The following CAPRIN1 variants were observed in gnomAD, a reference collection of about 807,000 sequenced individuals.
CAPRIN1 encodes the protein caprin-1.
A neutral mutation model predicts 100.9 loss-of-function variants in CAPRIN1; 29 were observed. That is an observed-to-expected ratio of 0.29 (90% CI 0.21 to 0.39). CAPRIN1 has a LOEUF of 0.39. CAPRIN1 is among the 10% of genes least tolerant of loss of function. CAPRIN1 has a pLI of 1.00. For synonymous variants in CAPRIN1, 338 were observed against 307.5 expected (o/e 1.10, Z -1.04); for missense variants, 795 against 876.7 (o/e 0.91, Z 1.18).
At chr11:34,093,362 TCCAGCAGTCCTC>T (rs1851300650) in intron 15 of CAPRIN1, among the ~76,000 whole-genome samples, 1 of 152,022 alleles carries the variant, frequency 6.6e-6, no homozygotes, top group Non-Finnish European at 1.5e-5. Context: ...ACTCAGGGCC[TCCAGCAGTCCTC>T]CCACCTCTAC....
Position 34,099,860 on chromosome 11 carries a change from A to C in CAPRIN1, c.*493A>C, listed in dbSNP as rs1213191827. The C allele has an allele frequency of 6.4e-6, 1 of 156,796 alleles. No homozygotes were observed. Among genetic ancestry groups the C allele is most frequent in the Non-Finnish European group, 1.4e-5 (1 of 70,618 alleles). 9.7% of individuals were successfully genotyped at this position (156,796 alleles called of 1,614,324 possible). On this transcript the variant is annotated 3_prime_UTR_variant, in exon 19 of 19. Coordinates refer to ENST00000341394, the MANE Select transcript of CAPRIN1 (RefSeq NM_005898.5). ...TTCACAGCTTTTCCAGTTAAATTGG[A>C]GCACTGAACGTTCAGATGCATACCA...
chr11:34,072,488 A>C lies in CAPRIN1; in HGVS notation c.366+501A>C, dbSNP rs571499076. 4.6e-5 allele frequency among the ~76,000 whole-genome samples: 7 copies of C among 152,316 alleles called. No individual in the cohort carries two copies. The South Asian group carries it at 1.0e-3, about 23-fold the overall frequency. On this transcript the variant is annotated intron_variant, in intron 4 of 18. Transcript: ENST00000341394. The stretch of plus-strand genomic sequence containing the variant: ...AATACATAAATGTTTTTTATTTATC[A>C]TGTTCCTTATGTCTAATGACTCACA...
At chr11:34,066,407 C>G (rs932544795) in intron 2 of CAPRIN1, among the ~76,000 whole-genome samples, 3 of 151,648 alleles carry the variant, frequency 2.0e-5, no homozygotes, top group East Asian at 1.9e-4. Flanking sequence ...GATCTTGGCT[C>G]TCTGCAACCT....
intron 2 of CAPRIN1, among the ~76,000 whole-genome samples, chr11:34,067,317 TA>T: frequency 6.6e-6 from 1 of 152,312 alleles, no homozygotes; most frequent in Non-Finnish European, 1.5e-5. Context: ...GAAAATTCTG[TA>T]AAAGAGTCTT....
chr11:34,059,374 T>C (rs1378886652), intron 2 of CAPRIN1, among the ~76,000 whole-genome samples: 2 of 151,900 alleles, frequency 1.3e-5, no homozygotes, highest in Non-Finnish European at 1.5e-5. Context: ...GTTCAAGTGA[T>C]TCTCTTGCCT....
rs552069117 is a variant in CAPRIN1 at position 34,051,851 on chromosome 11, A to T, written c.-21A>T. On this transcript the variant is annotated 5_prime_UTR_variant, in exon 1 of 19. Transcript: ENST00000341394. ...CCTCAGCTGCCCACTCGTGATTTCC[A>T]GCGGCCTCCGCGCGCGCACGGTGAG... The T allele has an allele frequency of 6.7e-6, 1 of 150,076 alleles. No individual in the cohort carries two copies. The highest frequency in any genetic ancestry group is 2.1e-4 in the South Asian group (1 of 4,754). 9.3% of individuals were successfully genotyped at this position (150,076 alleles called of 1,614,324 possible). A position where few individuals can be genotyped will look rare whatever the true frequency, so the allele number is the denominator to read the frequency against.
intron 15 of CAPRIN1, among the ~76,000 whole-genome samples, chr11:34,092,804 G>T (rs574214239): frequency 1.3e-5 from 2 of 152,258 alleles, no homozygotes; most frequent in South Asian, 4.1e-4. Flanking sequence ...GTCAAGTAAG[G>T]TCATAATTTG....
In CAPRIN1 at chr11:34,051,827, CT is replaced by C. The variant is rs1426687401; in HGVS notation, c.-44del. 6.5e-6 allele frequency: 1 copy of C among 152,826 alleles called. No homozygotes were observed. Among genetic ancestry groups the C allele is most frequent in the Non-Finnish European group, 1.5e-5 (1 of 68,560 alleles). 9.5% of individuals were successfully genotyped at this position (152,826 alleles called of 1,614,324 possible). On this transcript the variant is annotated 5_prime_UTR_variant, in exon 1 of 19. Coordinates refer to ENST00000341394, the MANE Select transcript of CAPRIN1 (RefSeq NM_005898.5). ...CGGAAGGGACCACCACCCTTGCCCCCTCAGCTGCCCACTCGTGATTTCCAGC... is the reference window on the plus strand; with the variant it reads ...CGGAAGGGACCACCACCCTTGCCCCCCAGCTGCCCACTCGTGATTTCCAGC...
At chr11:34,057,127 T>C (rs929611647) in intron 2 of CAPRIN1, among the ~76,000 whole-genome samples, 1 of 152,254 alleles carries the variant, frequency 6.6e-6, no homozygotes, top group African/African-American at 2.4e-5. Flanking sequence ...GTAAAATCTT[T>C]CCTTGAGGCT....
At chr11:34,078,684 T>C (rs16925123) in intron 6 of CAPRIN1, among the ~76,000 whole-genome samples, 2,856 of 152,306 alleles carry the variant, frequency 0.019, 92 homozygotes, top group African/African-American at 0.066. Flanking sequence ...TCTTTCCCTA[T>C]GCTTGTTTTT....
intron 2 of CAPRIN1, 50 bp downstream of exon 2, chr11:34,052,686 G>C: frequency 1.3e-6 from 2 of 1,537,608 alleles, no homozygotes; most frequent in African/African-American, 1.4e-5. Context: ...CGGGCTCTGC[G>C]GCCCCTCCGA....
In CAPRIN1 at chr11:34,071,796, T is replaced by C. The variant is rs370367941; in HGVS notation, c.279+8T>C. On this transcript the variant is annotated splice_region_variant and intron_variant, in intron 3 of 18. Transcript: ENST00000341394. Reference sequence around the variant, plus strand: ...CTTAATCAAGATCAGCTGGTAAAGATGTTATATTTTTTATTTTAGACCTAA... The same window carrying C: ...CTTAATCAAGATCAGCTGGTAAAGACGTTATATTTTTTATTTTAGACCTAA... The C allele has an allele frequency of 6.9e-7, 1 of 1,454,146 alleles. No homozygotes were observed. Among genetic ancestry groups the C allele is most frequent in the Non-Finnish European group, 9.1e-7 (1 of 1,103,054 alleles). 90.1% of individuals were successfully genotyped at this position (1,454,146 alleles called of 1,614,324 possible). A position where few individuals can be genotyped will look rare whatever the true frequency, so the allele number is the denominator to read the frequency against.
rs746115010 is a variant in CAPRIN1 at position 34,100,871 on chromosome 11, C to T, written c.*1504C>T. On this transcript the variant is annotated 3_prime_UTR_variant, in exon 19 of 19. Coordinates refer to ENST00000341394, the MANE Select transcript of CAPRIN1 (RefSeq NM_005898.5). ...CATTCTGACTTCATGGAGAATTAATCCCACCTTTAAGCAAAGGCTACTAAG... is the reference window on the plus strand; with the variant it reads ...CATTCTGACTTCATGGAGAATTAATTCCACCTTTAAGCAAAGGCTACTAAG... 5.9e-5 allele frequency: 9 copies of T among 152,628 alleles called. No homozygotes were observed. Among genetic ancestry groups the T allele is most frequent in the South Asian group, 2.1e-4 (1 of 4,830 alleles). 9.5% of individuals were successfully genotyped at this position (152,628 alleles called of 1,614,324 possible).
chr11:34,079,921 T>TTTG (rs1850984881), intron 7 of CAPRIN1, among the ~76,000 whole-genome samples, 156 bp downstream of exon 7: 3 of 3,410 alleles, frequency 8.8e-4, no homozygotes, highest in African/African-American at 1.9e-3. Context: ...TTTTTTTTTT[T>TTTG]TTTTTTTTTT....
At chr11:34,086,905 T>G (rs970147945) in intron 11 of CAPRIN1, among the ~76,000 whole-genome samples, 2 of 152,234 alleles carry the variant, frequency 1.3e-5, no homozygotes, top group Non-Finnish European at 2.9e-5. Context: ...TGCCTTTTTT[T>G]GAATGCTTTT....
At chr11:34,092,514 A>G (rs1010860197) in intron 15 of CAPRIN1, among the ~76,000 whole-genome samples, 1 of 151,724 alleles carries the variant, frequency 6.6e-6, no homozygotes, top group African/African-American at 2.4e-5. Flanking sequence ...ATGTGCCACC[A>G]CGTCCAGCTA....
In CAPRIN1 at chr11:34,069,677, A is replaced by G. The variant is rs189380790; in HGVS notation, c.217-2049A>G. The stretch of plus-strand genomic sequence containing the variant: ...AAAAAAAATTTTTTTCCCTCAAATC[A>G]GTAGACTGAAATTTTATACCTGTTT... On this transcript the variant is annotated intron_variant, in intron 2 of 18. Coordinates refer to ENST00000341394, the MANE Select transcript of CAPRIN1 (RefSeq NM_005898.5). Among the ~76,000 whole-genome samples, 154 of 152,198 alleles carry G rather than the reference A, an allele frequency of 1.0e-3. 1 individual carries two copies. The highest frequency in any genetic ancestry group is 5.2e-3 in the South Asian group (25 of 4,826).
intron 2 of CAPRIN1, among the ~76,000 whole-genome samples, chr11:34,067,913 C>G (rs1430277708): frequency 6.6e-6 from 1 of 152,100 alleles, no homozygotes; most frequent in Non-Finnish European, 1.5e-5. Context: ...CTGGCTGTTT[C>G]CCTTTTCATT....
intron 2 of CAPRIN1, among the ~76,000 whole-genome samples, chr11:34,059,879 CTTTT>C (rs570241213): frequency 5.5e-5 from 6 of 109,840 alleles, no homozygotes; most frequent in Admixed American, 1.9e-4. Context: ...TAGAAGAATA[CTTTT>C]TTTTTTTTTT....
Sources: allele counts gnomAD v4.1 joint callset (sites outside exome capture counted in the v4.1 genomes callset), GRCh38; gene constraint gnomAD v4.1.1; transcripts MANE v1.5; gene names NCBI Gene and HGNC (gene_info 2026-07-23, HGNC 2026-07-21).